The following NBEAL2 variants were observed in gnomAD, a reference collection of about 807,000 sequenced individuals.
NBEAL2 encodes the protein neurobeachin like 2, also known as neurobeachin-like protein 2.
A neutral mutation model predicts 299.8 loss-of-function variants in NBEAL2; 160 were observed. The ratio of observed to expected loss-of-function variants is 0.53; its 90% confidence interval spans 0.47 to 0.61. The LOEUF is 0.61. Among genes scored for constraint, NBEAL2 ranks in the 20% least tolerant of loss-of-function variants. NBEAL2 has a pLI of 0.00. For missense variants in NBEAL2, 3,112 were observed against 3,649.0 expected (o/e 0.85, Z 3.79); for synonymous variants, 1,493 against 1,542.3 (o/e 0.97, Z 0.75).
Position 47,003,991 on chromosome 3 carries a change from T to C in NBEAL2, c.5881+15T>C. ...AACCGAGGAGGGTGCGTCCTGGTGG[T>C]GTGGTTTAGGAGGATGGCAGGGAAT... On this transcript the variant is annotated intron_variant, in intron 36 of 53. Transcript: ENST00000450053. This position sits in a 1 kb window ranked among gnomAD's most constrained non-coding sequence, Gnocchi z 7.0. The C allele has an allele frequency of 1.2e-6, 2 of 1,611,130 alleles. No homozygotes were observed. Among genetic ancestry groups the C allele is most frequent in the Non-Finnish European group, 1.7e-6 (2 of 1,178,340 alleles).
chr3:46,996,852 G>A lies in NBEAL2; in HGVS notation c.2556+19G>A, dbSNP rs760473255. 4.2e-5 allele frequency: 67 copies of A among 1,611,998 alleles called. No individual in the cohort carries two copies. The South Asian group carries it at 6.4e-4, about 15-fold the overall frequency. ...ACCTCAGGTATTTGGGGGCCCCAGG[G>A]GAGTGGTTGGCTCGACTGTGCTACT... On this transcript the variant is annotated intron_variant, in intron 17 of 53. Coordinates refer to ENST00000450053, the MANE Select transcript of NBEAL2 (RefSeq NM_015175.3).
At chr3:46,985,831 C>T (rs183435423) in intron 1 of NBEAL2, among the ~76,000 whole-genome samples, 47 of 152,320 alleles carry the variant, frequency 3.1e-4, no homozygotes, top group Admixed American at 1.3e-3. Context: ...CTGCTCAGAG[C>T]TGGCACAACC....
Position 46,998,085 on chromosome 3 carries a change from G to A in NBEAL2, c.2977G>A (p.Asp993Asn). ...ATCCCAGGTCCCAAGCTGGGCCATG[G>A]ACATGAACGTGCTCATGTCCGCCCA... is the stretch of plus-strand genomic sequence containing the variant. The part of the protein sequence containing the change: ...LLRKVPSWAM[D>N]MNVLMSAQLL... The change falls in exon 21 of 54, where the codon GAC (aspartate) becomes AAC (asparagine). Residue 993 changes from aspartate (D) to asparagine (N), a missense_variant. By Grantham distance (23) the Asp-to-Asn change is conservative. Coordinates refer to ENST00000450053, the MANE Select transcript of NBEAL2 (RefSeq NM_015175.3). 1 of 1,574,036 alleles carries A rather than the reference G, an allele frequency of 6.4e-7. No individual in the cohort carries two copies. Among genetic ancestry groups the A allele is most frequent in the Non-Finnish European group, 8.6e-7 (1 of 1,159,546 alleles).
chr3:47,001,949 C>T lies in NBEAL2; in HGVS notation c.4812C>T (p.His1604=), dbSNP rs1186539690. ...QLHAQAYVRL[H]MLLQTAVPAR... ...ATGCCCAGGCCTACGTGAGATTGCA[C>T]ATGCTGCTACAGACTGCAGTGCCAG... Residue 1604 remains histidine (H), a synonymous_variant, in exon 31 of 54, where the codon CAC becomes CAT. Transcript: ENST00000450053. This position sits in a 1 kb window ranked among gnomAD's most constrained non-coding sequence, Gnocchi z 6.1. 1 of 1,605,534 alleles carries T rather than the reference C, an allele frequency of 6.2e-7. No individual in the cohort carries two copies. Among genetic ancestry groups the T allele is most frequent in the Non-Finnish European group, 8.5e-7 (1 of 1,174,388 alleles).
chr3:46,991,557 G>A lies in NBEAL2; in HGVS notation c.794G>A (p.Arg265His), dbSNP rs753275005. Residue 265 changes from arginine (R) to histidine (H), a missense_variant, in exon 8 of 54, where the codon CGC (arginine) becomes CAC (histidine). Physicochemically the swap from Arg to His is conservative, Grantham distance 29. Transcript: ENST00000450053. This position sits in a 1 kb window ranked among gnomAD's most constrained non-coding sequence, Gnocchi z 6.2. The part of the protein sequence containing the change: ...VGAVHVLHAS[R>H]APPRGPELRA... ...GCAGTCCATGTCTTGCATGCCAGCC[G>A]CGCACCTCCTCGTGGCCCAGAGCTT... is the stretch of plus-strand genomic sequence containing the variant. 14 of 1,605,402 alleles carry A rather than the reference G, an allele frequency of 8.7e-6. No homozygotes were observed. Among genetic ancestry groups the A allele is most frequent in the East Asian group, 2.2e-5 (1 of 44,884 alleles).
chr3:46,999,170 T>C, intron 24 of NBEAL2, 53 bp downstream of exon 24: 2 of 1,546,520 alleles, frequency 1.3e-6, no homozygotes, highest in South Asian at 2.4e-5. Context: ...GGCCCCTGCC[T>C]GGGGTTCAGG....
At chr3:46,985,648 A>G (rs4682831) in intron 1 of NBEAL2, among the ~76,000 whole-genome samples, 70,232 of 152,002 alleles carry the variant, frequency 0.46, 16,610 homozygotes, top group Middle Eastern at 0.55. Flanking sequence ...CCGGCCTTCC[A>G]CATTCCCACA....
Position 46,989,209 on chromosome 3 carries a change from G to A in NBEAL2, c.351+43G>A. 1 of 1,613,144 alleles carries A rather than the reference G, an allele frequency of 6.2e-7. No homozygotes were observed. The highest frequency in any genetic ancestry group is 8.5e-7 in the Non-Finnish European group (1 of 1,179,488). On this transcript the variant is annotated intron_variant, in intron 4 of 53. Coordinates refer to ENST00000450053, the MANE Select transcript of NBEAL2 (RefSeq NM_015175.3). The surrounding 1 kb of genome is among the most constrained non-coding windows in gnomAD (Gnocchi z 5.5). ...TTGGGGGGCAGAGGGTGTATGCAGGGAGGCAGGCGGTAGCCATGGCGGGGC... is the reference window on the plus strand; with the variant it reads ...TTGGGGGGCAGAGGGTGTATGCAGGAAGGCAGGCGGTAGCCATGGCGGGGC...
chr3:46,993,115 A>C (rs1203906197), intron 10 of NBEAL2, among the ~76,000 whole-genome samples: 1 of 152,204 alleles, frequency 6.6e-6, no homozygotes, highest in African/African-American at 2.4e-5. Context: ...CTCTGTCTTC[A>C]TGAGGTAACC....
rs767869298 is a variant in NBEAL2 at position 47,005,321 on chromosome 3, G to A, written c.6560G>A (p.Arg2187His). The part of the protein sequence containing the change: ...TSLHVQLQSG[R>H]FDCSDRQFHS... The stretch of plus-strand genomic sequence containing the variant: ...CTGCACGTCCAGCTGCAAAGTGGCC[G>A]GTGCGGCCCAGGGGCTGGTGGGCAG... The change falls in exon 40 of 54, where the codon CGC becomes CAC. Residue 2187 changes from arginine (R) to histidine (H), a missense_variant and splice_region_variant. By Grantham distance (29) the Arg-to-His change is conservative (BLOSUM62 0). Coordinates refer to ENST00000450053, the MANE Select transcript of NBEAL2 (RefSeq NM_015175.3). 21 of 1,610,688 alleles carry A rather than the reference G, an allele frequency of 1.3e-5. No individual in the cohort carries two copies. Among genetic ancestry groups the A allele is most frequent in the Non-Finnish European group, 1.8e-5 (21 of 1,178,926 alleles).
At position 46,979,820 on chromosome 3, in the gene NBEAL2, G is replaced by A. The variant is rs1466334792; in HGVS notation, c.-42G>A. On this transcript the variant is annotated 5_prime_UTR_variant, in exon 1 of 54. Transcript: ENST00000450053. ...AACCGGCGGGCGGCGCGGAGGAGGC[G>A]GCGACAGGTGGCGCGCAGCAGGGCC... 3 of 411,324 alleles carry A rather than the reference G, an allele frequency of 7.3e-6. No individual in the cohort carries two copies. The highest frequency in any genetic ancestry group is 1.3e-5 in the Non-Finnish European group (3 of 236,216). 25.5% of individuals were successfully genotyped at this position (411,324 alleles called of 1,614,324 possible). A position where few individuals can be genotyped will look rare whatever the true frequency, so the allele number is the denominator to read the frequency against.
Position 47,001,176 on chromosome 3 carries a change from G to C in NBEAL2, c.4481G>C (p.Arg1494Pro). The C allele has an allele frequency of 1.2e-6, 2 of 1,610,212 alleles. No homozygotes were observed. The highest frequency in any genetic ancestry group is 1.7e-6 in the Non-Finnish European group (2 of 1,177,470). The stretch of plus-strand genomic sequence containing the variant: ...GTGCGCCCACCAGACTGCATCAAGC[G>C]CAGGTGAGAGGGAAAGTCTGGAGGG... ...TLVRPPDCIK[R>P]SLLEMMLESA... Residue 1494 changes from arginine (R) to proline (P), a missense_variant, in exon 28 of 54, where the codon CGC becomes CCC. By Grantham distance (103) the Arg-to-Pro change is moderately radical (BLOSUM62 -2). Coordinates refer to ENST00000450053, the MANE Select transcript of NBEAL2 (RefSeq NM_015175.3). The surrounding 1 kb of genome is among the most constrained non-coding windows in gnomAD (Gnocchi z 6.1).
At position 47,008,304 on chromosome 3, in the gene NBEAL2, A is replaced by G; in HGVS notation, c.7741A>G (p.Thr2581Ala). ...GSEDGTVIIH[T>A]VRRGQFVAAL... ...GCAGGATGGAACTGTGATCATACACACTGTACGCCGCGGACAGTTTGTAGC... is the reference window on the plus strand; with the variant it reads ...GCAGGATGGAACTGTGATCATACACGCTGTACGCCGCGGACAGTTTGTAGC... The change falls in exon 51 of 54, where the codon ACT (threonine) becomes GCT (alanine). Residue 2581 changes from threonine (T) to alanine (A), a missense_variant. This residue lies in a region of NBEAL2 where 348 missense variants were observed against 381.4 expected (regional missense o/e 0.91). Transcript: ENST00000450053. The G allele has an allele frequency of 6.2e-7, 1 of 1,613,206 alleles. No homozygotes were observed. Among genetic ancestry groups the G allele is most frequent in the Admixed American group, 1.7e-5 (1 of 59,874 alleles).
chr3:46,986,277 A>C (rs78173616), intron 1 of NBEAL2, among the ~76,000 whole-genome samples: 1 of 152,192 alleles, frequency 6.6e-6, no homozygotes, highest in East Asian at 1.9e-4. Context: ...ATACTCTAGG[A>C]GTATGTAGAG....
chr3:46,991,965 G>A lies in NBEAL2; in HGVS notation c.1032+19G>A, dbSNP rs1368685889. 1.0e-5 allele frequency: 16 copies of A among 1,572,680 alleles called. No individual in the cohort carries two copies. The highest frequency in any genetic ancestry group is 2.7e-5 in the African/African-American group (2 of 73,942). ...CAGCAAGGTGGGTAGGGCCCAGCCT[G>A]GGGGTGAGGGTCTGGAAGCCAGAGG... On this transcript the variant is annotated intron_variant, in intron 9 of 53. Transcript: ENST00000450053. The surrounding 1 kb of genome is among the most constrained non-coding windows in gnomAD (Gnocchi z 6.2).
At position 47,005,210 on chromosome 3, in the gene NBEAL2, C is replaced by G. The variant is rs547595755; in HGVS notation, c.6449C>G (p.Thr2150Ser). ...GAAAGCTTTGAGGACCCAGCAGGGACCATTGACAAGTTCCACTATGGCACC... is the reference window on the plus strand; with the variant it reads ...GAAAGCTTTGAGGACCCAGCAGGGAGCATTGACAAGTTCCACTATGGCACC... The part of the protein sequence containing the change: ...KYESFEDPAG[T>S]IDKFHYGTHY... Residue 2150 changes from threonine (T) to serine (S), a missense_variant, in exon 40 of 54, where the codon ACC becomes AGC. Transcript: ENST00000450053. 2.2e-4 allele frequency: 357 copies of G among 1,613,756 alleles called. 3 individuals carry two copies. In the South Asian group the frequency reaches 3.6e-3, roughly 16 times the overall value.
chr3:47,004,599 C>T lies in NBEAL2; in HGVS notation c.6294+9C>T. The T allele has an allele frequency of 6.2e-7, 1 of 1,610,870 alleles. No homozygotes were observed. Among genetic ancestry groups the T allele is most frequent in the Non-Finnish European group, 8.5e-7 (1 of 1,177,378 alleles). ...TGTCTCAGTACCCTGTGGTGAGGGT[C>T]CCACTCTGCACCCCTCCACCCCTGC... On this transcript the variant is annotated intron_variant, in intron 38 of 53. Coordinates refer to ENST00000450053, the MANE Select transcript of NBEAL2 (RefSeq NM_015175.3). This position sits in a 1 kb window ranked among gnomAD's most constrained non-coding sequence, Gnocchi z 5.0.
In NBEAL2 at chr3:46,979,798, C is replaced by A. The variant is rs2035174802; in HGVS notation, c.-64C>A. 1.0e-5 allele frequency: 4 copies of A among 386,534 alleles called. No individual in the cohort carries two copies. In the South Asian group the frequency reaches 3.4e-4, roughly 33 times the overall value. 23.9% of individuals were successfully genotyped at this position (386,534 alleles called of 1,614,324 possible). A position where few individuals can be genotyped will look rare whatever the true frequency, so the allele number is the denominator to read the frequency against. ...GCCCATGGGCCTGGCCGAGGGCAAC[C>A]GGCGGGCGGCGCGGAGGAGGCGGCG... On this transcript the variant is annotated 5_prime_UTR_variant, in exon 1 of 54. Transcript: ENST00000450053.
Position 46,998,873 on chromosome 3 carries a change from C to A in NBEAL2, c.3378C>A (p.Asp1126Glu), listed in dbSNP as rs376139545. The A allele has an allele frequency of 8.2e-6, 13 of 1,592,064 alleles. No homozygotes were observed. The highest frequency in any genetic ancestry group is 1.1e-5 in the Non-Finnish European group (13 of 1,169,624). The change falls in exon 23 of 54, where the codon GAC becomes GAA. Residue 1126 changes from aspartate (D) to glutamate (E), a missense_variant. By Grantham distance (45) the Asp-to-Glu change is conservative (BLOSUM62 2). Coordinates refer to ENST00000450053, the MANE Select transcript of NBEAL2 (RefSeq NM_015175.3). ...MLSFLAATGD[D>E]GQAVGALDLL... ...GCTTTTTGGCGGCCACAGGCGATGA[C>A]GGTCAGGTAGGCTGGAGGTTGGGGA...
Sources: allele counts gnomAD v4.1 joint callset (sites outside exome capture counted in the v4.1 genomes callset), GRCh38; gene constraint gnomAD v4.1.1; regional missense constraint gnomAD v4.1.1; non-coding constraint Gnocchi (gnomAD v3.1); transcripts MANE v1.5; gene names NCBI Gene and HGNC (gene_info 2026-07-23, HGNC 2026-07-21).